The following LRRC4C variants were observed in gnomAD, a reference collection of about 807,000 sequenced individuals.
LRRC4C encodes the protein leucine rich repeat containing 4C.
A neutral mutation model predicts 33.6 loss-of-function variants in LRRC4C; 5 were observed. The observed-to-expected ratio is 0.15, with a 90% CI of 0.08 to 0.31. The LOEUF (loss-of-function observed/expected upper bound fraction) is 0.31. Ranked by LOEUF, LRRC4C falls within the 10% of genes least tolerant of loss-of-function variation. LRRC4C has a pLI of 1.00. For synonymous variants in LRRC4C, 329 were observed against 302.0 expected (o/e 1.09, Z -0.93); for missense variants, 560 against 796.7 (o/e 0.70, Z 3.58).
chr11:41,153,477 G>A (rs1015933248), intron 1 of LRRC4C, among the ~76,000 whole-genome samples: 2 of 152,172 alleles, frequency 1.3e-5, no homozygotes, highest in South Asian at 2.1e-4. Context: ...AAGAAACTAC[G>A]AGTAACCTCA....
At chr11:40,832,003 G>C (rs1021010627) in intron 2 of LRRC4C, among the ~76,000 whole-genome samples, 1 of 152,104 alleles carries the variant, frequency 6.6e-6, no homozygotes, top group Non-Finnish European at 1.5e-5. Context: ...GTTATAGGTA[G>C]AGTTATGATT....
chr11:40,758,080 C>A (rs552597751), intron 2 of LRRC4C, among the ~76,000 whole-genome samples: 3 of 151,924 alleles, frequency 2.0e-5, no homozygotes, highest in Non-Finnish European at 4.4e-5. Context: ...ATATATCTCC[C>A]GCGAAATGCA....
At chr11:40,300,250 A>G (rs562561432) in intron 4 of LRRC4C, among the ~76,000 whole-genome samples, 1 of 152,196 alleles carries the variant, frequency 6.6e-6, no homozygotes, top group East Asian at 1.9e-4. Context: ...TCCTGGCCCC[A>G]CCTCCAACAT....
At chr11:40,850,981 C>A (rs560680657) in intron 2 of LRRC4C, among the ~76,000 whole-genome samples, 8 of 152,286 alleles carry the variant, frequency 5.3e-5, no homozygotes, top group South Asian at 4.1e-4. Context: ...CACCTCCCCC[C>A]ACCAAGCTGG....
rs574559380 is a variant in LRRC4C at position 40,808,923 on chromosome 11, C to T, written c.-407+124712G>A. On this transcript the variant is annotated intron_variant, in intron 2 of 6. Transcript: ENST00000528697. ...TGTCAATTTGTCTGTATACCTAATG[C>T]CAAACTTTTCACTTATTTGTCTTTT... Among the ~76,000 whole-genome samples, 15 of 152,218 alleles carry T rather than the reference C, an allele frequency of 9.9e-5. 1 individual carries two copies. In the South Asian group the frequency reaches 2.7e-3, roughly 27 times the overall value.
chr11:40,364,778 A>G (rs1363221915), intron 3 of LRRC4C, among the ~76,000 whole-genome samples: 1 of 152,062 alleles, frequency 6.6e-6, no homozygotes, highest in Non-Finnish European at 1.5e-5. Context: ...TAAAAATGGT[A>G]ATGCATCTTA....
At chr11:40,310,159 G>T (rs551666926) in intron 4 of LRRC4C, among the ~76,000 whole-genome samples, 10 of 152,178 alleles carry the variant, frequency 6.6e-5, no homozygotes, top group African/African-American at 2.4e-4. Flanking sequence ...TAATCATGAA[G>T]ATCATATTTT....
chr11:40,269,625 CT>C (rs1176678536), intron 4 of LRRC4C, among the ~76,000 whole-genome samples: 2 of 152,152 alleles, frequency 1.3e-5, no homozygotes, highest in African/African-American at 2.4e-5. Context: ...TAAGATTCCA[CT>C]TTTTCTTTCT....
chr11:40,792,809 A>C (rs1950680387), intron 2 of LRRC4C, among the ~76,000 whole-genome samples: 1 of 152,128 alleles, frequency 6.6e-6, no homozygotes, highest in African/African-American at 2.4e-5. Flanking sequence ...GTGCAGCCAT[A>C]AAAAAGGATG....
At chr11:41,136,997 C>T (rs1943290926) in intron 1 of LRRC4C, among the ~76,000 whole-genome samples, 1 of 151,838 alleles carries the variant, frequency 6.6e-6, no homozygotes, top group Non-Finnish European at 1.5e-5. Context: ...CTTCTAATCC[C>T]AGCACTTTAG....
chr11:41,159,151 A>G lies in LRRC4C; in HGVS notation c.-495-225428T>C, dbSNP rs116185710. Among the ~76,000 whole-genome samples the G allele has an allele frequency of 5.0e-3, 754 of 152,176 alleles. 8 individuals are homozygous for G. The highest frequency in any genetic ancestry group is 0.017 in the African/African-American group (705 of 41,534). On this transcript the variant is annotated intron_variant, in intron 1 of 6. Coordinates refer to ENST00000528697, the MANE Select transcript of LRRC4C (RefSeq NM_001258419.2). ...AATAATTTAGAAAAACTAGCCAGGC[A>G]TGGTAGCATGCACTTTTAGTCCTAG...
At chr11:41,381,412 G>A (rs1272869782) in intron 1 of LRRC4C, among the ~76,000 whole-genome samples, 1 of 152,082 alleles carries the variant, frequency 6.6e-6, no homozygotes, top group Non-Finnish European at 1.5e-5. Context: ...CAGATCACGA[G>A]GTCAGGAGTT....
intron 2 of LRRC4C, among the ~76,000 whole-genome samples, chr11:40,850,084 T>C (rs1434760476): frequency 6.6e-6 from 1 of 152,016 alleles, no homozygotes; most frequent in Non-Finnish European, 1.5e-5. Flanking sequence ...CATGCTCCTT[T>C]AGCTCAGAAG....
At chr11:40,666,113 G>A (rs1191380311) in intron 2 of LRRC4C, among the ~76,000 whole-genome samples, 2 of 151,822 alleles carry the variant, frequency 1.3e-5, no homozygotes, top group Non-Finnish European at 2.9e-5. Context: ...AATGTTCTAC[G>A]GTACAGTTAT....
intron 6 of LRRC4C, among the ~76,000 whole-genome samples, chr11:40,125,486 A>G (rs1480703209): frequency 6.6e-6 from 1 of 152,188 alleles, no homozygotes; most frequent in Non-Finnish European, 1.5e-5. Context: ...ATTACAGTAT[A>G]AACAGTTATT....
At chr11:40,497,842 C>T (rs376091581) in intron 3 of LRRC4C, among the ~76,000 whole-genome samples, 1 of 152,262 alleles carries the variant, frequency 6.6e-6, no homozygotes, top group East Asian at 1.9e-4. Flanking sequence ...AAGTTAAGCA[C>T]AAGTTCCCAG....
chr11:41,063,484 A>G (rs1937955386), intron 1 of LRRC4C, among the ~76,000 whole-genome samples: 1 of 152,170 alleles, frequency 6.6e-6, no homozygotes, highest in African/African-American at 2.4e-5. Flanking sequence ...GTCCCAGAGA[A>G]GGCACTATAG....
chr11:41,151,948 C>A (rs1223698126), intron 1 of LRRC4C, among the ~76,000 whole-genome samples: 1 of 152,180 alleles, frequency 6.6e-6, no homozygotes, highest in Non-Finnish European at 1.5e-5. Context: ...TCTCATAGTG[C>A]ATTTTTAGGA....
chr11:40,129,541 T>A (rs1026802467), intron 6 of LRRC4C, among the ~76,000 whole-genome samples: 2 of 152,216 alleles, frequency 1.3e-5, no homozygotes, highest in Non-Finnish European at 2.9e-5. Context: ...GTTGTTTTCA[T>A]GATTTGCTTC....
Sources: gnomAD v4.1 joint callset for allele counts (sites outside exome capture counted in the v4.1 genomes callset) on GRCh38, gnomAD v4.1.1 for gene constraint, MANE v1.5 for transcripts, NCBI Gene and HGNC (gene_info 2026-07-23, HGNC 2026-07-21) for gene names.